The following NTM variants were observed in gnomAD, a reference collection of about 807,000 sequenced individuals.
NTM encodes the protein neurotrimin.
A neutral mutation model predicts 42.1 loss-of-function variants in NTM; 13 were observed. The ratio of observed to expected loss-of-function variants is 0.31; its 90% CI spans 0.20 to 0.49. The LOEUF is 0.49. Ranked by LOEUF, NTM falls within the 20% of genes least tolerant of loss-of-function variation. The pLI, the probability that NTM is intolerant of heterozygous loss-of-function variation, is 0.99. For missense variants in NTM, 373 were observed against 452.8 expected (o/e 0.82, Z 1.60); for synonymous variants, 187 against 179.2 (o/e 1.04, Z -0.35).
intron 1 of NTM, among the ~76,000 whole-genome samples, chr11:131,781,558 C>T (rs540658129): frequency 1.3e-5 from 2 of 152,156 alleles, no homozygotes; most frequent in Admixed American, 1.3e-4. Flanking sequence ...AAGTAATATA[C>T]TGTTGAATTA....
Position 132,104,609 on chromosome 11 carries a change from G to GTAATAA in NTM, c.168-41671_168-41666dup, listed in dbSNP as rs147673814. On this transcript the variant is annotated intron_variant, in intron 2 of 8. Coordinates refer to ENST00000683400, the MANE Select transcript of NTM (RefSeq NM_001352005.2). ...CCACCAAAAATAATAATAACTAATA[G>GTAATAA]TAATAATCATAATAATAATAATGGG... Among the ~76,000 whole-genome samples, 662 of 146,328 alleles carry GTAATAA rather than the reference G, an allele frequency of 4.5e-3. 5 individuals are homozygous for GTAATAA. Among genetic ancestry groups the GTAATAA allele is most frequent in the African/African-American group, 0.012 (459 of 39,062 alleles).
intron 1 of NTM, among the ~76,000 whole-genome samples, chr11:131,589,649 A>G (rs553137212): frequency 1.3e-5 from 2 of 152,188 alleles, no homozygotes; most frequent in Admixed American, 6.5e-5. Flanking sequence ...TGATGTGTAC[A>G]TGGCAGAGAG....
At position 131,514,095 on chromosome 11, in the gene NTM, C is replaced by G. The variant is rs112229845; in HGVS notation, c.82+143207C>G. On this transcript the variant is annotated intron_variant, in intron 1 of 8. Transcript: ENST00000683400. ...TCAGCTGACAGCGTCGCTAATGTCC[C>G]AGGGGAGAAAGCATAAGAAAATTGC... 3.6e-3 allele frequency among the ~76,000 whole-genome samples: 554 copies of G among 152,164 alleles called. 8 individuals carry two copies. The highest frequency in any genetic ancestry group is 0.012 in the African/African-American group (501 of 41,504).
At chr11:131,807,036 G>C (rs558780021) in intron 1 of NTM, among the ~76,000 whole-genome samples, 2 of 152,174 alleles carry the variant, frequency 1.3e-5, no homozygotes, top group Non-Finnish European at 2.9e-5. Context: ...TGGGAAAAGC[G>C]TTTTAGGCTA....
intron 1 of NTM, among the ~76,000 whole-genome samples, chr11:131,652,005 T>A (rs2134348680): frequency 6.6e-6 from 1 of 152,280 alleles, no homozygotes; most frequent in Non-Finnish European, 1.5e-5. Flanking sequence ...GAGCTGCTCT[T>A]TGTCCTGGAA....
chr11:131,937,159 A>C (rs2059310527), intron 2 of NTM, among the ~76,000 whole-genome samples: 1 of 152,212 alleles, frequency 6.6e-6, no homozygotes, highest in South Asian at 2.1e-4. Flanking sequence ...CAGAAACAGA[A>C]GTTCTGCGTT....
intron 1 of NTM, among the ~76,000 whole-genome samples, chr11:131,851,055 T>C (rs1295234843): frequency 6.6e-6 from 1 of 152,104 alleles, no homozygotes; most frequent in Non-Finnish European, 1.5e-5. Flanking sequence ...CAAAGCTGAG[T>C]TGAGACTTGC....
intron 1 of NTM, among the ~76,000 whole-genome samples, chr11:131,483,025 G>A (rs906246420): frequency 2.0e-5 from 3 of 152,182 alleles, no homozygotes; most frequent in Non-Finnish European, 4.4e-5. Context: ...TTCTTAGAGG[G>A]CTACAGGTAA....
At chr11:131,618,851 C>T (rs1451326683) in intron 1 of NTM, among the ~76,000 whole-genome samples, 1 of 152,142 alleles carries the variant, frequency 6.6e-6, no homozygotes, top group East Asian at 1.9e-4. Context: ...CCATGTGTAT[C>T]CATCACCAAC....
At chr11:131,675,939 C>A (rs1184065761) in intron 1 of NTM, among the ~76,000 whole-genome samples, 1 of 152,170 alleles carries the variant, frequency 6.6e-6, no homozygotes, top group Non-Finnish European at 1.5e-5. Context: ...GATCCATAAT[C>A]TGGGAGAGTC....
At chr11:131,604,097 C>T (rs1450291261) in intron 1 of NTM, among the ~76,000 whole-genome samples, 1 of 152,142 alleles carries the variant, frequency 6.6e-6, no homozygotes, top group Non-Finnish European at 1.5e-5. Flanking sequence ...ATAGGAACCA[C>T]CAAACTGTTT....
intron 1 of NTM, among the ~76,000 whole-genome samples, chr11:131,411,896 G>C (rs1013884210): frequency 6.6e-6 from 1 of 152,084 alleles, no homozygotes; most frequent in Non-Finnish European, 1.5e-5. Flanking sequence ...ACTATAAGCA[G>C]CATTTGTCTT....
At chr11:131,632,278 C>A (rs900034726) in intron 1 of NTM, among the ~76,000 whole-genome samples, 20 of 152,268 alleles carry the variant, frequency 1.3e-4, no homozygotes, top group African/African-American at 4.6e-4. Context: ...CTAACAATAT[C>A]TCAAATCTCC....
chr11:132,157,474 A>C (rs960326313), intron 3 of NTM, among the ~76,000 whole-genome samples: 6 of 152,144 alleles, frequency 3.9e-5, no homozygotes, highest in African/African-American at 1.4e-4. Flanking sequence ...GATGTTGAAA[A>C]TTTCTGTCCC....
Position 132,214,979 on chromosome 11 carries a change from T to A in NTM, c.526+2832T>A, listed in dbSNP as rs377194040. 6.6e-4 allele frequency among the ~76,000 whole-genome samples: 101 copies of A among 152,346 alleles called. No individual in the cohort carries two copies. The Middle Eastern group carries it at 0.034, about 51-fold the overall frequency. ...CACCAGAGTGCCATTTCCCAGTGAC[T>A]GATTATTTGGAGATCAGAGATGTCA... On this transcript the variant is annotated intron_variant, in intron 4 of 8. Coordinates refer to ENST00000683400, the MANE Select transcript of NTM (RefSeq NM_001352005.2).
intron 6 of NTM, among the ~76,000 whole-genome samples, chr11:132,310,850 A>C (rs762474931): frequency 6.6e-6 from 1 of 152,176 alleles, no homozygotes; most frequent in Non-Finnish European, 1.5e-5. Context: ...TCCAGGCTTT[A>C]TCAAATGACA....
At chr11:131,592,378 A>G (rs1241543979) in intron 1 of NTM, among the ~76,000 whole-genome samples, 1 of 152,110 alleles carries the variant, frequency 6.6e-6, no homozygotes, top group Non-Finnish European at 1.5e-5. Flanking sequence ...CCTAAGATCC[A>G]CGAAGTCTAG....
chr11:131,635,369 G>A (rs12270151), intron 1 of NTM, among the ~76,000 whole-genome samples: 1,968 of 152,244 alleles, frequency 0.013, 23 homozygotes, highest in Non-Finnish European at 0.021. Context: ...TGATGATCCT[G>A]ACCCCATGTA....
intron 1 of NTM, among the ~76,000 whole-genome samples, chr11:131,500,569 ATATATATATTTTTTTTTT>A (rs1348586351): frequency 5.2e-5 from 3 of 58,092 alleles, no homozygotes; most frequent in East Asian, 5.7e-4. Context: ...ATATATATAT[ATATATATATTTTTTTTTT>A]TTTTTTTTGT....
Sources: allele counts gnomAD v4.1 joint callset (sites outside exome capture counted in the v4.1 genomes callset), GRCh38; gene constraint gnomAD v4.1.1; transcripts MANE v1.5; gene names NCBI Gene and HGNC (gene_info 2026-07-23, HGNC 2026-07-21).